The following SIRT5 variants were observed in gnomAD, a reference collection of about 807,000 sequenced individuals.
SIRT5 encodes sirtuin 5, also known as NAD-dependent protein deacylase sirtuin-5, mitochondrial.
Under a neutral mutation model 40.0 loss-of-function variants are expected in SIRT5, and 26 were observed. The ratio of observed to expected loss-of-function variants is 0.65; its 90% CI spans 0.48 to 0.90. The LOEUF is 0.90. SIRT5 is among the 40% of genes least tolerant of loss of function. SIRT5 has a pLI of 0.00. For missense variants in SIRT5, 401 were observed against 402.4 expected, an observed-to-expected ratio of 1.00 and a Z score of 0.03; for synonymous variants, 146 against 149.1, an observed-to-expected ratio of 0.98 and a Z score of 0.15.
At chr6:13,577,033 A>G (rs998148582) in intron 1 of SIRT5, among the ~76,000 whole-genome samples, 43 of 152,166 alleles carry the variant, frequency 2.8e-4, no homozygotes, top group African/African-American at 9.9e-4. Flanking sequence ...TGCCAGTGCC[A>G]TGCAGTTTTG....
intron 1 of SIRT5, among the ~76,000 whole-genome samples, chr6:13,574,980 G>A (rs1462603310): frequency 1.3e-5 from 2 of 152,132 alleles, no homozygotes; most frequent in Non-Finnish European, 2.9e-5. Context: ...GAGAGGGGTC[G>A]GATTCCGGAC....
At chr6:13,601,342 C>A (rs914079636) in intron 9 of SIRT5, among the ~76,000 whole-genome samples, 1 of 152,204 alleles carries the variant, frequency 6.6e-6, no homozygotes, top group African/African-American at 2.4e-5. Context: ...GGGAGGCCAC[C>A]TGGCAGATAC....
At chr6:13,577,998 A>G (rs1299512052) in intron 1 of SIRT5, among the ~76,000 whole-genome samples, 1 of 152,054 alleles carries the variant, frequency 6.6e-6, no homozygotes, top group African/African-American at 2.4e-5. Context: ...ATACTTATTG[A>G]GAGTTTTTAT....
intron 9 of SIRT5, among the ~76,000 whole-genome samples, chr6:13,608,695 G>A (rs1022848409): frequency 6.6e-5 from 10 of 151,674 alleles, no homozygotes; most frequent in Admixed American, 1.3e-4. Flanking sequence ...TCCTTAAAAT[G>A]TTAAAAAATG....
chr6:13,601,348 G>A (rs1762362844), intron 9 of SIRT5, among the ~76,000 whole-genome samples: 1 of 152,218 alleles, frequency 6.6e-6, no homozygotes, highest in South Asian at 2.1e-4. Flanking sequence ...CCACCTGGCA[G>A]ATACCCCTTT....
chr6:13,611,244 CACAT>C (rs1395961182), intron 9 of SIRT5, among the ~76,000 whole-genome samples: 1 of 112,250 alleles, frequency 8.9e-6, no homozygotes, highest in Non-Finnish European at 1.9e-5. Flanking sequence ...TATACACACA[CACAT>C]ACACACACAC....
chr6:13,592,300 G>C (rs530147405), intron 5 of SIRT5, among the ~76,000 whole-genome samples: 1 of 152,316 alleles, frequency 6.6e-6, no homozygotes, highest in East Asian at 1.9e-4. Context: ...GGGGTGCACA[G>C]CTGCGTGACC....
Position 13,612,622 on chromosome 6 carries a change from G to C in SIRT5, c.*757G>C, listed in dbSNP as rs1246795708. The C allele has an allele frequency of 6.6e-6, 1 of 152,258 alleles. No individual in the cohort carries two copies. Among genetic ancestry groups the C allele is most frequent in the South Asian group, 2.1e-4 (1 of 4,838 alleles). 9.4% of individuals were successfully genotyped at this position (152,258 alleles called of 1,614,324 possible). ...CCCAAAGTGCTGAGATTACGGGCATGAGCCACCGCACCCGGCTTACTGGGG... is the reference window on the plus strand; with the variant it reads ...CCCAAAGTGCTGAGATTACGGGCATCAGCCACCGCACCCGGCTTACTGGGG... On this transcript the variant is annotated 3_prime_UTR_variant, in exon 10 of 10. Coordinates refer to ENST00000606117, the MANE Select transcript of SIRT5 (RefSeq NM_012241.5).
At chr6:13,586,160 T>C (rs1011838637) in intron 3 of SIRT5, among the ~76,000 whole-genome samples, 11 of 152,218 alleles carry the variant, frequency 7.2e-5, no homozygotes, top group African/African-American at 2.7e-4. Flanking sequence ...GTCAGATGGG[T>C]AGATTTCAAA....
chr6:13,595,526 T>C lies in SIRT5; in HGVS notation c.525T>C (p.Asn175=), dbSNP rs199972686. Residue 175 remains asparagine (N), a synonymous_variant, in exon 6 of 10, where the codon AAT becomes AAC. Transcript: ENST00000606117. The part of the protein sequence containing the change: ...RCTSCGVVAE[N]YKSPICPALS... ...CCTCTTGTGGAGTTGTGGCTGAGAA[T>C]TACAAGAGTCCAATTTGTCCAGCTT... 1.2e-6 allele frequency: 2 copies of C among 1,614,120 alleles called. No homozygotes were observed. Among genetic ancestry groups the C allele is most frequent in the Non-Finnish European group, 8.5e-7 (1 of 1,179,974 alleles).
intron 2 of SIRT5, among the ~76,000 whole-genome samples, chr6:13,581,198 A>G (rs1183586925): frequency 6.6e-6 from 1 of 152,216 alleles, no homozygotes; most frequent in African/African-American, 2.4e-5. Flanking sequence ...CATTTGTCCT[A>G]CTAATGTCCC....
At chr6:13,595,339 A>G in intron 5 of SIRT5, 138 bp from the exon 6 acceptor site, 2 of 659,992 alleles carry the variant, frequency 3.0e-6, no homozygotes, top group Admixed American at 2.4e-5. Flanking sequence ...GTACTGCTAC[A>G]CTCCAGCCTG....
intron 9 of SIRT5, among the ~76,000 whole-genome samples, chr6:13,611,234 TATACAC>T (rs1399662543): frequency 1.2e-4 from 16 of 132,672 alleles, no homozygotes; most frequent in African/African-American, 4.4e-4. Flanking sequence ...TATATATATA[TATACAC>T]ACACACATAC....
intron 1 of SIRT5, among the ~76,000 whole-genome samples, chr6:13,575,315 G>C (rs1315589015): frequency 6.6e-6 from 1 of 152,114 alleles, no homozygotes; most frequent in Non-Finnish European, 1.5e-5. Flanking sequence ...GTGATGAACT[G>C]GGTCAGAGGC....
intron 7 of SIRT5, among the ~76,000 whole-genome samples, chr6:13,598,749 C>G (rs1258630039): frequency 1.3e-5 from 2 of 148,566 alleles, no homozygotes; most frequent in African/African-American, 5.0e-5. Flanking sequence ...TTGCTTGAAC[C>G]TGGGAGGCAG....
At chr6:13,603,101 C>A (rs1323183303) in intron 9 of SIRT5, among the ~76,000 whole-genome samples, 2 of 151,856 alleles carry the variant, frequency 1.3e-5, no homozygotes, top group Non-Finnish European at 2.9e-5. Flanking sequence ...CACGGTGAAA[C>A]CCCGTCTCTA....
intron 3 of SIRT5, chr6:13,585,159 GGGTT>G: frequency 6.6e-6 from 1 of 152,226 alleles, no homozygotes; most frequent in Middle Eastern, 3.4e-3. Flanking sequence ...TGGGGTAGTT[GGGTT>G]GGTTGCAACC....
intron 6 of SIRT5, among the ~76,000 whole-genome samples, chr6:13,596,586 G>A (rs948020000): frequency 5.3e-5 from 8 of 151,802 alleles, no homozygotes; most frequent in South Asian, 4.2e-4. Flanking sequence ...TCCTGGGCTC[G>A]AGCAATCCTC....
intron 8 of SIRT5, 86 bp from the exon 9 acceptor site, chr6:13,600,748 C>T: frequency 1.9e-6 from 2 of 1,061,516 alleles, no homozygotes; most frequent in Non-Finnish European, 2.8e-6. Flanking sequence ...CACAGACCTG[C>T]CTGAGTTTGT....
Sources: allele counts gnomAD v4.1 joint callset (sites outside exome capture counted in the v4.1 genomes callset), GRCh38; gene constraint gnomAD v4.1.1; transcripts MANE v1.5; gene names NCBI Gene and HGNC (gene_info 2026-07-23, HGNC 2026-07-21).